The following ARFGEF3 variants were observed in gnomAD, a reference collection of about 807,000 sequenced individuals.
ARFGEF3 encodes ARFGEF family member 3.
Under a neutral mutation model 221.7 loss-of-function variants are expected in ARFGEF3, and 96 were observed. The observed-to-expected ratio is 0.43, with a 90% CI of 0.37 to 0.51. The LOEUF (loss-of-function observed/expected upper bound fraction) is 0.51, where lower values mean the gene tolerates loss of function less well. Ranked by LOEUF, ARFGEF3 falls within the 20% of genes least tolerant of loss-of-function variation. The pLI, the probability that ARFGEF3 is intolerant of heterozygous loss-of-function variation, is 0.00. For missense variants in ARFGEF3, 2,410 were observed against 2,789.9 expected (o/e 0.86, Z 3.07); for synonymous variants, 1,145 against 1,126.8 (o/e 1.02, Z -0.32).
intron 22 of ARFGEF3, among the ~76,000 whole-genome samples, chr6:138,304,219 C>T (rs1022669265): frequency 6.6e-6 from 1 of 152,044 alleles, no homozygotes; most frequent in Non-Finnish European, 1.5e-5. Flanking sequence ...GAAAACATTA[C>T]ATTAAATGAG....
chr6:138,310,609 G>A (rs577910899), intron 24 of ARFGEF3, among the ~76,000 whole-genome samples: 6 of 152,048 alleles, frequency 3.9e-5, no homozygotes, highest in Non-Finnish European at 7.4e-5. Flanking sequence ...CTAATGCCTA[G>A]TAATTAGGTC....
At chr6:138,320,001 T>C (rs1779994341) in intron 28 of ARFGEF3, 122 bp downstream of exon 28, 3 of 811,904 alleles carry the variant, frequency 3.7e-6, no homozygotes, top group Non-Finnish European at 5.9e-6. Flanking sequence ...CTGGGAATTA[T>C]TAAAATAGAA....
At chr6:138,190,630 A>G (rs551454290) in intron 2 of ARFGEF3, among the ~76,000 whole-genome samples, 13 of 152,212 alleles carry the variant, frequency 8.5e-5, no homozygotes, top group Non-Finnish European at 1.9e-4. Flanking sequence ...AAGGGTACAG[A>G]TTTTTCTATC....
chr6:138,218,534 C>G (rs1366888130), intron 4 of ARFGEF3: 1 of 1,360,172 alleles, frequency 7.4e-7, no homozygotes, highest in African/African-American at 1.5e-5. Flanking sequence ...AAAACACCCA[C>G]TCTTTAGCTG....
intron 24 of ARFGEF3, among the ~76,000 whole-genome samples, chr6:138,309,920 C>A (rs1779795255): frequency 6.6e-6 from 1 of 152,184 alleles, no homozygotes; most frequent in Non-Finnish European, 1.5e-5. Context: ...ATTCAAATGC[C>A]AGCCTCTTCC....
intron 4 of ARFGEF3, chr6:138,217,172 A>G (rs1258974034): frequency 1.3e-5 from 2 of 152,212 alleles, no homozygotes; most frequent in East Asian, 1.9e-4. Context: ...AAGCACCACC[A>G]TTTCCAAGTG....
chr6:138,327,970 TCAAG>T, intron 31 of ARFGEF3, 47 bp from the exon 32 acceptor site: 1 of 1,498,970 alleles, frequency 6.7e-7, no homozygotes, highest in Non-Finnish European at 9.0e-7. Context: ...CCCTGACAGG[TCAAG>T]CAGAGGACAC....
At chr6:138,212,143 G>T (rs1777738954) in intron 4 of ARFGEF3, among the ~76,000 whole-genome samples, 1 of 152,196 alleles carries the variant, frequency 6.6e-6, no homozygotes, top group Non-Finnish European at 1.5e-5. Context: ...ATTGTGGAAT[G>T]CTTAAATCTA....
intron 10 of ARFGEF3, among the ~76,000 whole-genome samples, chr6:138,258,803 A>G (rs968924935): frequency 1.3e-5 from 2 of 152,228 alleles, no homozygotes; most frequent in Non-Finnish European, 2.9e-5. Flanking sequence ...TTTTATAAGC[A>G]GCAGCAACCT....
intron 14 of ARFGEF3, among the ~76,000 whole-genome samples, chr6:138,281,675 G>A (rs759618302): frequency 5.3e-5 from 8 of 152,200 alleles, no homozygotes; most frequent in Non-Finnish European, 1.0e-4. Flanking sequence ...GTAGTGTTCC[G>A]TGGTGTATAT....
At chr6:138,286,997 C>T (rs1779309785) in intron 16 of ARFGEF3, 77 bp from the exon 17 acceptor site, 1 of 1,572,272 alleles carries the variant, frequency 6.4e-7, no homozygotes, top group Admixed American at 1.9e-5. Context: ...GCAGGGGGAC[C>T]CTTTAGAAGG....
At chr6:138,298,339 G>C (rs1779559680) in intron 21 of ARFGEF3, among the ~76,000 whole-genome samples, 1 of 152,156 alleles carries the variant, frequency 6.6e-6, no homozygotes, top group African/African-American at 2.4e-5. Context: ...CAAGAAAACT[G>C]TCATGTTACA....
intron 20 of ARFGEF3, among the ~76,000 whole-genome samples, chr6:138,295,383 G>A (rs1025290904): frequency 2.9e-4 from 44 of 151,974 alleles, no homozygotes; most frequent in African/African-American, 1.0e-3. Flanking sequence ...ACTTTAGGAG[G>A]CCGAGGCGGG....
intron 32 of ARFGEF3, among the ~76,000 whole-genome samples, chr6:138,331,721 A>C (rs1250535763): frequency 1.3e-5 from 2 of 152,252 alleles, no homozygotes; most frequent in Non-Finnish European, 2.9e-5. Context: ...GACTTCTTAA[A>C]GGTGTGCTCA....
rs1056302591 is a variant in ARFGEF3 at position 138,291,376 on chromosome 6, G to A, written c.3048-357G>A. 2.0e-5 allele frequency among the ~76,000 whole-genome samples: 3 copies of A among 151,736 alleles called. No homozygotes were observed. In the East Asian group the frequency reaches 5.8e-4, roughly 30 times the overall value. On this transcript the variant is annotated intron_variant, in intron 18 of 33. Transcript: ENST00000251691. The surrounding 1 kb of genome is among the most constrained non-coding windows in gnomAD (Gnocchi z 4.5). ...CAGAGCACTATATGGAGGGAAAGAG[G>A]GTGCCTGGGGAAAAATGGCTCAAAC...
At chr6:138,280,295 T>A (rs1346436879) in intron 14 of ARFGEF3, 131 bp downstream of exon 14, 1 of 824,364 alleles carries the variant, frequency 1.2e-6, no homozygotes, top group Non-Finnish European at 1.9e-6. Flanking sequence ...TCCCTGGCAA[T>A]GGTGACAGTT....
chr6:138,165,723 T>C lies in ARFGEF3; in HGVS notation c.85+3552T>C, dbSNP rs536801501. Among the ~76,000 whole-genome samples the C allele has an allele frequency of 6.6e-5, 10 of 151,526 alleles. No homozygotes were observed. In the South Asian group the frequency reaches 8.4e-4, roughly 13 times the overall value. ...GGGTCACTCCCCACTGAGACACTCA[T>C]GAGAGACTGAGACTGAGACCCCCAT... On this transcript the variant is annotated intron_variant, in intron 1 of 33. Coordinates refer to ENST00000251691, the MANE Select transcript of ARFGEF3 (RefSeq NM_020340.5).
chr6:138,233,963 C>T (rs1778240017), intron 5 of ARFGEF3, among the ~76,000 whole-genome samples: 1 of 152,158 alleles, frequency 6.6e-6, no homozygotes, highest in Non-Finnish European at 1.5e-5. Flanking sequence ...CTTCACTTTT[C>T]CTTCCTGAAA....
intron 32 of ARFGEF3, among the ~76,000 whole-genome samples, chr6:138,332,099 C>T (rs1583071514): frequency 6.6e-6 from 1 of 152,110 alleles, no homozygotes; most frequent in African/African-American, 2.4e-5. Flanking sequence ...TTCCATTTCT[C>T]AGGGAAGGTA....
Sources: gnomAD v4.1 joint callset for allele counts (sites outside exome capture counted in the v4.1 genomes callset) on GRCh38, gnomAD v4.1.1 for gene constraint, Gnocchi (gnomAD v3.1) non-coding constraint, MANE v1.5 for transcripts, NCBI Gene and HGNC (gene_info 2026-07-23, HGNC 2026-07-21) for gene names.